CD47: variants seen among roughly 807,000 people sequenced by gnomAD.
CD47 encodes CD47 molecule, also known as leukocyte surface antigen CD47.
CD47 carries 11 observed loss-of-function variants against 44.6 expected under a neutral mutation model. That is an observed-to-expected ratio of 0.25 (90% CI 0.16 to 0.41). The LOEUF (loss-of-function observed/expected upper bound fraction) is 0.41. Ranked by LOEUF, CD47 falls within the 10% of genes least tolerant of loss-of-function variation. The pLI is 1.00. For synonymous variants in CD47, 140 were observed against 136.3 expected (o/e 1.03, Z -0.19); for missense variants, 306 against 386.7 (o/e 0.79, Z 1.75).
chr3:108,075,616 C>T (rs1317544648), intron 2 of CD47, among the ~76,000 whole-genome samples: 2 of 152,186 alleles, frequency 1.3e-5, no homozygotes, highest in Non-Finnish European at 2.9e-5. Context: ...GGTCCCAAAA[C>T]CCCTGCCCTA....
chr3:108,052,259 G>A, intron 7 of CD47: 1 of 284,630 alleles, frequency 3.5e-6, no homozygotes, highest in Non-Finnish European at 6.8e-6. Flanking sequence ...ACACTGGCTG[G>A]TGGGAAAATG....
chr3:108,065,595 G>A (rs554552397), intron 3 of CD47, among the ~76,000 whole-genome samples: 4 of 151,816 alleles, frequency 2.6e-5, no homozygotes, highest in African/African-American at 4.8e-5. Context: ...GACGGATCAC[G>A]AGGTCAGGAG....
chr3:108,075,528 T>C (rs1577010357), intron 2 of CD47, among the ~76,000 whole-genome samples: 1 of 152,134 alleles, frequency 6.6e-6, no homozygotes, highest in Non-Finnish European at 1.5e-5. Flanking sequence ...GTTTCAGGAT[T>C]GTGATGGCTT....
chr3:108,088,195 G>C (rs1405709131), intron 1 of CD47, among the ~76,000 whole-genome samples: 2 of 152,150 alleles, frequency 1.3e-5, no homozygotes, highest in Non-Finnish European at 2.9e-5. Flanking sequence ...CTATATACTA[G>C]CTATAGCTGA....
chr3:108,088,455 G>A (rs937375206), intron 1 of CD47, among the ~76,000 whole-genome samples: 11 of 152,048 alleles, frequency 7.2e-5, no homozygotes, highest in East Asian at 1.9e-4. Context: ...CTGCTGGGGC[G>A]GCCCCATAAA....
At chr3:108,050,466 A>G in intron 9 of CD47, 112 bp downstream of exon 9, 1 of 664,684 alleles carries the variant, frequency 1.5e-6, no homozygotes, top group Non-Finnish European at 2.7e-6. Context: ...AAAGAAAAAA[A>G]GAGGAAAAAA....
At position 108,047,156 on chromosome 3, in the gene CD47, T is replaced by C. The variant is rs1043487694; in HGVS notation, c.*132A>G. On this transcript the variant is annotated 3_prime_UTR_variant, in exon 11 of 11. Transcript: ENST00000361309. ...AACTAACAATCACGTAAGGGTCTCA[T>C]AGGTGACAACCAGTTACTTTTCTTG... 4.9e-6 allele frequency: 3 copies of C among 610,758 alleles called. No individual in the cohort carries two copies. The highest frequency in any genetic ancestry group is 1.9e-5 in the African/African-American group (1 of 53,218). The allele number at this position is 610,758 out of a possible 1,614,324, so 37.8% of individuals were successfully genotyped here. A position where few individuals can be genotyped will look rare whatever the true frequency, so the allele number is the denominator to read the frequency against.
rs188061044 is a variant in CD47, at chr3:108,062,976, A to T, written c.491-2124T>A. On this transcript the variant is annotated intron_variant, in intron 3 of 10. Coordinates refer to ENST00000361309, the MANE Select transcript of CD47 (RefSeq NM_001777.4). ...GTGACTTACATCCTTCTTAACAAAA[A>T]TAAGAGTTTGAATCTCATATAAAAT... 3.3e-5 allele frequency among the ~76,000 whole-genome samples: 5 copies of T among 152,168 alleles called. No homozygotes were observed. In the East Asian group the frequency reaches 9.7e-4, roughly 29 times the overall value.
Position 108,088,269 on chromosome 3 carries a change from T to C in CD47, c.46+2594A>G, listed in dbSNP as rs79185025. ...GCGTGATTATTTTGGATTTAGAATATGTATCAATTTGGGGGGAAAGTCATC... is the reference window on the plus strand; with the variant it reads ...GCGTGATTATTTTGGATTTAGAATACGTATCAATTTGGGGGGAAAGTCATC... On this transcript the variant is annotated intron_variant, in intron 1 of 10. Transcript: ENST00000361309. Among the ~76,000 whole-genome samples, 1,246 of 152,334 alleles carry C rather than the reference T, an allele frequency of 8.2e-3. 13 individuals are homozygous for C. Among genetic ancestry groups the C allele is most frequent in the African/African-American group, 0.029 (1,198 of 41,576 alleles).
chr3:108,080,062 C>G lies in CD47; in HGVS notation c.329G>C (p.Gly110Ala). 6.2e-7 allele frequency: 1 copy of G among 1,612,960 alleles called. No homozygotes were observed. Among genetic ancestry groups the G allele is most frequent in the South Asian group, 1.1e-5 (1 of 91,032 alleles). ...MDKSDAVSHTGNYTCEVTELT... is the reference protein window; with the variant it reads ...MDKSDAVSHTANYTCEVTELT... The stretch of plus-strand genomic sequence containing the variant: ...TTCTGTTACTTCACAAGTGTAGTTT[C>G]CTGTGTGTGAGACAGCATCACTCTT... The change falls in exon 2 of 11, where the codon GGA (glycine) becomes GCA (alanine). Residue 110 changes from glycine to alanine, a missense_variant. Physicochemically the swap from Gly to Ala is moderately conservative, Grantham distance 60. Transcript: ENST00000361309.
At chr3:108,055,751 T>A (rs2078903178) in intron 7 of CD47, among the ~76,000 whole-genome samples, 1 of 152,212 alleles carries the variant, frequency 6.6e-6, no homozygotes, top group Non-Finnish European at 1.5e-5. Flanking sequence ...TAAGTCATTT[T>A]AATTTTAATG....
At chr3:108,068,998 A>T (rs1216488124) in intron 3 of CD47, among the ~76,000 whole-genome samples, 1 of 152,164 alleles carries the variant, frequency 6.6e-6, no homozygotes, top group Non-Finnish European at 1.5e-5. Context: ...AGAACATTCC[A>T]CCTTACTAAC....
Position 108,090,776 on chromosome 3 carries a change from C to A in CD47, c.46+87G>T, listed in dbSNP as rs1022725261. 1.1e-5 allele frequency: 14 copies of A among 1,258,024 alleles called. No individual in the cohort carries two copies. The South Asian group carries it at 1.9e-4, about 17-fold the overall frequency. The allele number at this position is 1,258,024 out of a possible 1,614,324, so 77.9% of individuals were successfully genotyped here. ...TGCGCCCCGGCCACCCTCTTCAGGG[C>A]GCCGCCGGGCTGGCTGGGGCGCAGC... On this transcript the variant is annotated intron_variant, in intron 1 of 10. Transcript: ENST00000361309.
rs2078731248 is a variant in CD47, at chr3:108,047,011, AT to A, written c.*276del. On this transcript the variant is annotated 3_prime_UTR_variant, in exon 11 of 11. Coordinates refer to ENST00000361309, the MANE Select transcript of CD47 (RefSeq NM_001777.4). ...AAGGCATCATTCTTGGAAATTGTCC[AT>A]TCTACTATTGCCCCTAATTGATTAA... 2.7e-6 allele frequency: 1 copy of A among 369,018 alleles called. No homozygotes were observed. Among genetic ancestry groups the A allele is most frequent in the Non-Finnish European group, 4.8e-6 (1 of 206,986 alleles). The allele number at this position is 369,018 out of a possible 1,614,324, so 22.9% of individuals were successfully genotyped here.
chr3:108,087,488 C>T lies in CD47; in HGVS notation c.46+3375G>A, dbSNP rs551557674. On this transcript the variant is annotated intron_variant, in intron 1 of 10. Coordinates refer to ENST00000361309, the MANE Select transcript of CD47 (RefSeq NM_001777.4). ...CCATGAGGGAATAAAAACAAGATAT[C>T]CCTACTGTCTATATACTACATCTTA... Among the ~76,000 whole-genome samples, 7 of 152,236 alleles carry T rather than the reference C, an allele frequency of 4.6e-5. No homozygotes were observed. The South Asian group carries it at 1.5e-3, about 32-fold the overall frequency.
In CD47 at chr3:108,055,600, T is replaced by C. The variant is rs764200221; in HGVS notation, c.877+1877A>G. On this transcript the variant is annotated intron_variant, in intron 7 of 10. Transcript: ENST00000361309. ...AGACAAGTTGATTTAAAAAGTTAAT[T>C]TAGGATACTATCAATAAAATTAGGA... 5.5e-5 allele frequency: 67 copies of C among 1,217,616 alleles called. No homozygotes were observed. In the South Asian group the frequency reaches 8.3e-4, roughly 15 times the overall value. 75.4% of individuals were successfully genotyped at this position (1,217,616 alleles called of 1,614,324 possible).
chr3:108,048,377 T>G (rs1356686352), intron 10 of CD47, among the ~76,000 whole-genome samples: 5 of 96,268 alleles, frequency 5.2e-5, no homozygotes, highest in East Asian at 4.5e-4. Context: ...GAGTGTTTTT[T>G]TTTTTTTTTT....
chr3:108,058,250 T>C, intron 6 of CD47, 87 bp downstream of exon 6: 1 of 783,922 alleles, frequency 1.3e-6, no homozygotes, highest in South Asian at 2.3e-5. Flanking sequence ...TCTATATATT[T>C]TTAAAAAGAG....
At position 108,090,900 on chromosome 3, in the gene CD47, G is replaced by C. The variant is rs933373209; in HGVS notation, c.9C>G (p.Pro3=). The C allele has an allele frequency of 1.0e-5, 15 of 1,481,722 alleles. No individual in the cohort carries two copies. Among genetic ancestry groups the C allele is most frequent in the Non-Finnish European group, 1.3e-5 (15 of 1,121,502 alleles). The allele number at this position is 1,481,722 out of a possible 1,614,324, so 91.8% of individuals were successfully genotyped here. A position where few individuals can be genotyped will look rare whatever the true frequency, so the allele number is the denominator to read the frequency against. The change falls in exon 1 of 11, where the codon CCC becomes CCG. Residue 3 remains proline, a synonymous_variant. Transcript: ENST00000361309. ...AGCCCAGCAACAGCGCCGCTACCAG[G>C]GGCCACATCTCCGCGCCCGCCGCGG... The part of the protein sequence containing the change: MW[P]LVAALLLGSA...
Sources: gnomAD v4.1 joint callset for allele counts (sites outside exome capture counted in the v4.1 genomes callset) on GRCh38, gnomAD v4.1.1 for gene constraint, MANE v1.5 for transcripts, NCBI Gene and HGNC (gene_info 2026-07-23, HGNC 2026-07-21) for gene names.